CD38: variants seen among roughly 807,000 people sequenced by gnomAD.
CD38 encodes the protein CD38 molecule.
In CD38, 31 loss-of-function variants were observed where a neutral mutation model predicts 36.3. That is an observed-to-expected ratio of 0.85 (90% CI 0.64 to 1.15). The LOEUF is 1.15. Among genes scored for constraint, CD38 ranks in the 50% most tolerant of loss-of-function variants. The pLI is 0.00. For synonymous variants in CD38, 131 were observed against 135.2 expected (o/e 0.97, Z 0.22); for missense variants, 380 against 371.9 (o/e 1.02, Z -0.18).
Position 15,848,683 on chromosome 4 carries a change from A to C in CD38, c.*81A>C. ...CATGACTCAGCATACCTGCTGGTGCAGAGCTGAAGATTTTGGAGGGTCCTC... is the reference window on the plus strand; with the variant it reads ...CATGACTCAGCATACCTGCTGGTGCCGAGCTGAAGATTTTGGAGGGTCCTC... On this transcript the variant is annotated 3_prime_UTR_variant, in exon 8 of 8. Transcript: ENST00000226279. 1 of 1,181,286 alleles carries C rather than the reference A, an allele frequency of 8.5e-7. No individual in the cohort carries two copies. The highest frequency in any genetic ancestry group is 1.3e-6 in the Non-Finnish European group (1 of 796,684). 73.2% of individuals were successfully genotyped at this position (1,181,286 alleles called of 1,614,324 possible). A position where few individuals can be genotyped will look rare whatever the true frequency, so the allele number is the denominator to read the frequency against.
In CD38 at chr4:15,842,030, A is replaced by G. The variant is rs59322494; in HGVS notation, c.839+1492A>G. 2.8e-4 allele frequency among the ~76,000 whole-genome samples: 39 copies of G among 141,580 alleles called. No individual in the cohort carries two copies. The East Asian group carries it at 7.3e-3, about 27-fold the overall frequency. The allele number at this position is 141,580 out of a possible 152,430, so 92.9% of individuals were successfully genotyped here. ...GCTTGATTAGGTAAACAAAGCAGCCAGGAAGCTCGAACTGGGTGGAGCCCA... is the reference window on the plus strand; with the variant it reads ...GCTTGATTAGGTAAACAAAGCAGCCGGGAAGCTCGAACTGGGTGGAGCCCA... On this transcript the variant is annotated intron_variant, in intron 7 of 7. Transcript: ENST00000226279.
intron 1 of CD38, among the ~76,000 whole-genome samples, chr4:15,790,306 C>A (rs1722937840): frequency 6.6e-6 from 1 of 152,106 alleles, no homozygotes; most frequent in Non-Finnish European, 1.5e-5. Flanking sequence ...CCTCAGCCTG[C>A]CGAGTGCCTG....
In CD38 at chr4:15,851,855, T is replaced by C. The variant is rs914347636; in HGVS notation, c.*3253T>C. 1 of 152,220 alleles carries C rather than the reference T, an allele frequency of 6.6e-6. No homozygotes were observed. The highest frequency in any genetic ancestry group is 2.4e-5 in the African/African-American group (1 of 41,456). The allele number at this position is 152,220 out of a possible 1,614,324, so 9.4% of individuals were successfully genotyped here. On this transcript the variant is annotated 3_prime_UTR_variant, in exon 8 of 8. Coordinates refer to ENST00000226279, the MANE Select transcript of CD38 (RefSeq NM_001775.4). ...TAACCTACTACACACCCAGGCTACA[T>C]GGTATCACCTATTCCTCCTAGGCTA...
chr4:15,841,396 T>C (rs183964580), intron 7 of CD38, among the ~76,000 whole-genome samples: 3 of 152,336 alleles, frequency 2.0e-5, no homozygotes, highest in East Asian at 1.9e-4. Context: ...GAGACTCTAC[T>C]GATGGCTTTT....
chr4:15,812,640 C>T (rs1377104998), intron 1 of CD38, among the ~76,000 whole-genome samples: 1 of 152,178 alleles, frequency 6.6e-6, no homozygotes, highest in East Asian at 1.9e-4. Flanking sequence ...GCAGAGGTTG[C>T]AGTGAGCCGA....
chr4:15,835,763 T>C (rs141008931), intron 4 of CD38, among the ~76,000 whole-genome samples: 8,936 of 152,208 alleles, frequency 0.059, 359 homozygotes, highest in East Asian at 0.18. Context: ...CTACCCACCT[T>C]GGCCTCCCAA....
intron 3 of CD38, among the ~76,000 whole-genome samples, chr4:15,828,084 A>G (rs1381758705): frequency 1.3e-5 from 2 of 152,162 alleles, no homozygotes; most frequent in Admixed American, 1.3e-4. Context: ...GTGCAATCAC[A>G]ATTCACTGCA....
At chr4:15,814,667 A>G (rs1723545279) in intron 1 of CD38, among the ~76,000 whole-genome samples, 1 of 152,168 alleles carries the variant, frequency 6.6e-6, no homozygotes, top group South Asian at 2.1e-4. Flanking sequence ...ATGGCTAGCC[A>G]GTTTTCCCAG....
intron 1 of CD38, among the ~76,000 whole-genome samples, chr4:15,795,874 G>A (rs1489451607): frequency 6.6e-6 from 1 of 151,944 alleles, no homozygotes; most frequent in African/African-American, 2.4e-5. Flanking sequence ...AATTTCCGAC[G>A]GCATATTTTT....
At chr4:15,829,834 C>T (rs1313557484) in intron 3 of CD38, among the ~76,000 whole-genome samples, 1 of 152,190 alleles carries the variant, frequency 6.6e-6, no homozygotes, top group Non-Finnish European at 1.5e-5. Context: ...TAAGTGAGAA[C>T]ATCCTATGTT....
At chr4:15,815,546 G>A (rs556207769) in intron 1 of CD38, among the ~76,000 whole-genome samples, 90 of 152,008 alleles carry the variant, frequency 5.9e-4, no homozygotes, top group Admixed American at 4.2e-3. Flanking sequence ...GAGTTCACTC[G>A]TGATTTGGCT....
In CD38 at chr4:15,848,023, C is replaced by G. The variant is rs184321436; in HGVS notation, c.840-516C>G. On this transcript the variant is annotated intron_variant, in intron 7 of 7. Transcript: ENST00000226279. Reference sequence around the variant, plus strand: ...CTGGCAGCTGCTTCTGAGGATCTCTCTCTTCCTTGGCTCATATTTAGCAAA... The same window carrying G: ...CTGGCAGCTGCTTCTGAGGATCTCTGTCTTCCTTGGCTCATATTTAGCAAA... Among the ~76,000 whole-genome samples, 19 of 152,312 alleles carry G rather than the reference C, an allele frequency of 1.2e-4. 1 individual carries two copies. The South Asian group carries it at 3.5e-3, about 28-fold the overall frequency.
At chr4:15,791,033 C>G (rs1313044552) in intron 1 of CD38, among the ~76,000 whole-genome samples, 9 of 138,686 alleles carry the variant, frequency 6.5e-5, no homozygotes, top group Non-Finnish European at 6.2e-5. Flanking sequence ...CCACCCCGTC[C>G]GGGAGGGAGG....
At chr4:15,782,434 A>G (rs1722719738) in intron 1 of CD38, among the ~76,000 whole-genome samples, 1 of 152,110 alleles carries the variant, frequency 6.6e-6, no homozygotes. Flanking sequence ...ATTACCTTTT[A>G]TCAATTAGCT....
intron 3 of CD38, chr4:15,825,625 T>G (rs1560316772): frequency 6.6e-6 from 1 of 152,350 alleles, no homozygotes; most frequent in African/African-American, 2.4e-5. Context: ...CTTGAAAAAT[T>G]GACTTCAGAG....
intron 3 of CD38, chr4:15,825,976 A>G (rs1027594696): frequency 2.0e-5 from 3 of 151,550 alleles, no homozygotes; most frequent in Non-Finnish European, 2.9e-5. Flanking sequence ...TTTTGTTTAT[A>G]TGGTGGATAT....
At chr4:15,841,693 G>A (rs1206773392) in intron 7 of CD38, among the ~76,000 whole-genome samples, 2 of 149,878 alleles carry the variant, frequency 1.3e-5, no homozygotes, top group East Asian at 3.9e-4. Context: ...GCGCAGGCCA[G>A]TGTGTGTGCA....
chr4:15,781,358 G>C (rs4426771), intron 1 of CD38, among the ~76,000 whole-genome samples: 6,875 of 152,194 alleles, frequency 0.045, 505 homozygotes, highest in African/African-American at 0.15. Flanking sequence ...CACATTCCTA[G>C]TACTAATGCT....
chr4:15,816,526 A>T lies in CD38; in HGVS notation c.249A>T (p.Gln83His), dbSNP rs1723598469. 1.2e-6 allele frequency: 2 copies of T among 1,612,676 alleles called. No individual in the cohort carries two copies. The highest frequency in any genetic ancestry group is 1.7e-6 in the Non-Finnish European group (2 of 1,178,978). Residue 83 changes from glutamine to histidine, a missense_variant, in exon 2 of 8, where the codon CAA becomes CAT. Physicochemically the swap from Gln to His is conservative, Grantham distance 24. Transcript: ENST00000226279. ...IHPEMRHVDC[Q>H]SVWDAFKGAF... ...TTTATCTCAGACATGTAGACTGCCA[A>T]AGTGTATGGGATGCTTTCAAGGGTG... is the stretch of plus-strand genomic sequence containing the variant.
Sources: gnomAD v4.1 joint callset for allele counts (sites outside exome capture counted in the v4.1 genomes callset) on GRCh38, gnomAD v4.1.1 for gene constraint, MANE v1.5 for transcripts, NCBI Gene and HGNC (gene_info 2026-07-23, HGNC 2026-07-21) for gene names.